Variants in B9D1 observed in about 807,000 individuals in gnomAD.
The protein encoded by B9D1 is B9 domain containing 1.
In B9D1, 20 loss-of-function variants were observed where a neutral mutation model predicts 26.1. The observed-to-expected ratio is 0.77, with a 90% CI of 0.54 to 1.12. B9D1 has a LOEUF of 1.12. Among genes scored for constraint, B9D1 ranks in the 50% most tolerant of loss-of-function variants. The probability of loss-of-function intolerance (pLI) is 0.00; values close to 1 mark genes in which losing one functional copy is unlikely to be tolerated. For missense variants in B9D1, 260 were observed against 273.7 expected, an observed-to-expected ratio of 0.95 and a Z score of 0.35; for synonymous variants, 105 against 103.1, an observed-to-expected ratio of 1.02 and a Z score of -0.11.
chr17:19,347,256 G>C lies in B9D1; in HGVS notation c.404+13C>G. ...AGATCAGGAGGGGCTGGGGTTATGGGTACAAAACTCACCTTGTAAACTTCT... is the reference window on the plus strand; with the variant it reads ...AGATCAGGAGGGGCTGGGGTTATGGCTACAAAACTCACCTTGTAAACTTCT... On this transcript the variant is annotated intron_variant, in intron 5 of 6. Transcript: ENST00000261499. The surrounding 1 kb of genome is among the most constrained non-coding windows in gnomAD (Gnocchi z 4.3). The C allele has an allele frequency of 1.2e-6, 2 of 1,614,224 alleles. No homozygotes were observed. Among genetic ancestry groups the C allele is most frequent in the Non-Finnish European group, 8.5e-7 (1 of 1,180,040 alleles).
In B9D1 at chr17:19,347,165, C is replaced by G; in HGVS notation, c.404+104G>C. ...TATTTGTCCTCAGTGGGTGGAGCAG[C>G]TTGCAGATCTGAGGAGGCGACCAGG... On this transcript the variant is annotated intron_variant, in intron 5 of 6. Transcript: ENST00000261499. This position sits in a 1 kb window ranked among gnomAD's most constrained non-coding sequence, Gnocchi z 4.3. 2.5e-6 allele frequency: 4 copies of G among 1,613,074 alleles called. No individual in the cohort carries two copies. The South Asian group carries it at 4.4e-5, about 18-fold the overall frequency.
chr17:19,357,740 C>T, intron 3 of B9D1, 100 bp downstream of exon 3: 1 of 878,442 alleles, frequency 1.1e-6, no homozygotes. Context: ...AGGTGACAAT[C>T]TGAATGTGAA....
chr17:19,336,745 C>T (rs187356686), downstream of B9D1: 16 of 152,734 alleles, frequency 1.0e-4, no homozygotes, highest in African/African-American at 3.6e-4. Context: ...CTTCTCCCAC[C>T]CCATCTTCAT....
At chr17:19,365,790 G>C (rs1911560972), upstream of B9D1, among the ~76,000 whole-genome samples, 1 of 151,922 alleles carries the variant, frequency 6.6e-6, no homozygotes, top group African/African-American at 2.4e-5. This position sits in a 1 kb window ranked among gnomAD's most constrained non-coding sequence, Gnocchi z 5.0. Flanking sequence ...CCAGGGGGTT[G>C]TTGTGAGGAT....
intron 1 of B9D1, among the ~76,000 whole-genome samples, chr17:19,376,787 CAAATAAAATA>C (rs150015643): frequency 0.23 from 31,315 of 134,466 alleles, 4,520 homozygotes; most frequent in East Asian, 0.5. Context: ...ACTCACTCTT[CAAATAAAATA>C]AAATAAAATA....
intron 2 of B9D1, 118 bp from the exon 3 acceptor site, chr17:19,358,069 A>G: frequency 1.3e-6 from 1 of 746,026 alleles, no homozygotes; most frequent in Admixed American, 2.0e-5. Flanking sequence ...TTCTCCCAAG[A>G]CACGAACTTC....
In B9D1 at chr17:19,361,453, C is replaced by T. The variant is rs577505627; in HGVS notation, c.63+1054G>A. On this transcript the variant is annotated intron_variant, in intron 1 of 6. Transcript: ENST00000261499. ...CTGAGGCCCTGAAAAGAGGGAGGTG[C>T]TGAGAGCAGAGCAGGGAGGAACAGT... is the stretch of plus-strand genomic sequence containing the variant. Among the ~76,000 whole-genome samples, 9 of 152,166 alleles carry T rather than the reference C, an allele frequency of 5.9e-5. No individual in the cohort carries two copies. The East Asian group carries it at 1.3e-3, about 23-fold the overall frequency.
At chr17:19,362,822 A>G, upstream of B9D1, 6 of 1,105,838 alleles carry the variant, frequency 5.4e-6, no homozygotes, top group Non-Finnish European at 7.7e-6. Flanking sequence ...TATGACCGAG[A>G]GCTGGGGCGG....
intron 3 of B9D1, among the ~76,000 whole-genome samples, chr17:19,351,247 C>T (rs778280732): frequency 6.6e-5 from 10 of 152,128 alleles, no homozygotes; most frequent in African/African-American, 9.7e-5. Flanking sequence ...CTTCCCACCT[C>T]GGCCTCCATA....
intron 1 of B9D1, among the ~76,000 whole-genome samples, chr17:19,376,758 G>C (rs1912141893): frequency 6.7e-6 from 1 of 148,912 alleles, no homozygotes; most frequent in Non-Finnish European, 1.5e-5. Context: ...CTGCACTCCA[G>C]CCTGGGCAAC....
chr17:19,361,340 C>CA (rs1464300598), intron 1 of B9D1, among the ~76,000 whole-genome samples: 1 of 152,108 alleles, frequency 6.6e-6, no homozygotes, highest in Non-Finnish European at 1.5e-5. Flanking sequence ...TCCCTGGTGC[C>CA]AAAAAGGTTG....
intron 1 of B9D1, among the ~76,000 whole-genome samples, chr17:19,377,320 G>A (rs1006351719): frequency 2.6e-5 from 4 of 152,174 alleles, no homozygotes; most frequent in African/African-American, 9.7e-5. Flanking sequence ...CTGCTCAACT[G>A]TGAATATACC....
At chr17:19,356,478 A>C (rs1341325587) in intron 3 of B9D1, among the ~76,000 whole-genome samples, 1 of 152,192 alleles carries the variant, frequency 6.6e-6, no homozygotes, top group African/African-American at 2.4e-5. Flanking sequence ...TGAAATCATC[A>C]GGGGCTGAGC....
chr17:19,336,346 G>A (rs559127511), downstream of B9D1: 1 of 152,420 alleles, frequency 6.6e-6, no homozygotes, highest in South Asian at 2.1e-4. Flanking sequence ...CAGCCTTACA[G>A]GTCAGTAGAC....
chr17:19,335,589 C>A, downstream of B9D1: 1 of 977,168 alleles, frequency 1.0e-6, no homozygotes, highest in Non-Finnish European at 1.5e-6. Flanking sequence ...CCACGGGTCC[C>A]TGGGCAACAG....
At chr17:19,348,555 A>C (rs1909171930) in intron 3 of B9D1, among the ~76,000 whole-genome samples, 3 of 152,200 alleles carry the variant, frequency 2.0e-5, no homozygotes, top group Admixed American at 1.3e-4. Flanking sequence ...TCTAAAACAC[A>C]TGAAATAGTA....
intron 3 of B9D1, among the ~76,000 whole-genome samples, chr17:19,356,938 A>T (rs909354881): frequency 6.6e-6 from 1 of 152,300 alleles, no homozygotes; most frequent in East Asian, 1.9e-4. Flanking sequence ...CTACTCATGG[A>T]TGATGACAGC....
At chr17:19,337,800 C>G (rs564211436), downstream of B9D1, 652 of 1,347,882 alleles carry the variant, frequency 4.8e-4, 3 homozygotes, top group African/African-American at 8.8e-3. Context: ...TACAGCCAGG[C>G]CTGGAATTGC....
chr17:19,340,788 CAAAAAAAAAAAAA>C (rs549094886), downstream of B9D1: 3,189 of 84,430 alleles, frequency 0.038, 73 homozygotes, highest in Non-Finnish European at 0.052. Context: ...GACCCTGTCT[CAAAAAAAAAAAAA>C]AAAAAAAAAA....
Sources: allele counts gnomAD v4.1 joint callset (sites outside exome capture counted in the v4.1 genomes callset), GRCh38; gene constraint gnomAD v4.1.1; non-coding constraint Gnocchi (gnomAD v3.1); transcripts MANE v1.5; gene names NCBI Gene and HGNC (gene_info 2026-07-23, HGNC 2026-07-21).